MYO9A: variants seen among roughly 807,000 people sequenced by gnomAD.
MYO9A encodes the protein unconventional myosin-IXa.
Under a neutral mutation model 293.3 loss-of-function variants are expected in MYO9A, and 103 were observed. The observed-to-expected ratio is 0.35, with a 90% CI of 0.30 to 0.41. The LOEUF (loss-of-function observed/expected upper bound fraction) is 0.41. Among genes scored for constraint, MYO9A ranks in the 10% least tolerant of loss-of-function variants. MYO9A has a pLI of 1.00. For missense variants in MYO9A, 2,685 were observed against 3,033.0 expected (o/e 0.89, Z 2.69); for synonymous variants, 1,001 against 1,035.7 (o/e 0.97, Z 0.64).
At chr15:71,992,269 A>G (rs2076563782) in intron 10 of MYO9A, among the ~76,000 whole-genome samples, 1 of 152,212 alleles carries the variant, frequency 6.6e-6, no homozygotes, top group Admixed American at 6.5e-5. Flanking sequence ...CACTTCTAGG[A>G]ATAATCTAAC....
At position 71,898,676 on chromosome 15, in the gene MYO9A, C is replaced by T; in HGVS notation, c.3827G>A (p.Arg1276Lys). The change falls in exon 25 of 42, where the codon AGA becomes AAA. Residue 1276 changes from arginine (R) to lysine (K), a missense_variant. This residue lies in a region of MYO9A where 1,434 missense variants were observed against 1,497.7 expected (regional missense o/e 0.96). Coordinates refer to ENST00000356056, the MANE Select transcript of MYO9A (RefSeq NM_006901.4). ...TATAGCTTGCTCTAGTTCTCTCATT[C>T]TCCTACTTTCTCTCTTAGCCCGGCC... is the stretch of plus-strand genomic sequence containing the variant. ...KVGRAKRESRRMRELEQAIFS... is the reference protein window; with the variant it reads ...KVGRAKRESRKMRELEQAIFS... 1.2e-6 allele frequency: 2 copies of T among 1,614,026 alleles called. No homozygotes were observed. Among genetic ancestry groups the T allele is most frequent in the South Asian group, 1.1e-5 (1 of 91,070 alleles).
At chr15:71,970,690 C>T (rs921646351) in intron 12 of MYO9A, among the ~76,000 whole-genome samples, 10 of 152,174 alleles carry the variant, frequency 6.6e-5, no homozygotes, top group African/African-American at 1.9e-4. Context: ...TACAACAATA[C>T]GCTGACAGAT....
intron 1 of MYO9A, among the ~76,000 whole-genome samples, chr15:72,086,313 GTGTGCACCCTC>G (rs2079725764): frequency 6.6e-6 from 1 of 152,094 alleles, no homozygotes; most frequent in African/African-American, 2.4e-5. Context: ...GGGCAAATCT[GTGTGCACCCTC>G]TGTGCACATT....
chr15:71,925,625 T>G (rs1255446642), intron 18 of MYO9A, among the ~76,000 whole-genome samples: 1 of 152,112 alleles, frequency 6.6e-6, no homozygotes, highest in Non-Finnish European at 1.5e-5. Context: ...ATGGACTATT[T>G]TAAACAGATA....
chr15:72,019,801 G>T (rs1485643133), intron 5 of MYO9A, among the ~76,000 whole-genome samples: 3 of 152,120 alleles, frequency 2.0e-5, no homozygotes, highest in African/African-American at 7.2e-5. Flanking sequence ...CCAGGCTGGA[G>T]TGCGGTGGCA....
At position 71,880,531 on chromosome 15, in the gene MYO9A, G is replaced by C; in HGVS notation, c.5426C>G (p.Pro1809Arg). 3.7e-6 allele frequency: 6 copies of C among 1,614,128 alleles called. No individual in the cohort carries two copies. The highest frequency in any genetic ancestry group is 5.1e-6 in the Non-Finnish European group (6 of 1,179,956). The change falls in exon 29 of 42, where the codon CCT (proline) becomes CGT (arginine). Residue 1809 changes from proline (P) to arginine (R), a missense_variant. This residue lies in a region of MYO9A where 1,434 missense variants were observed against 1,497.7 expected (regional missense o/e 0.96). Coordinates refer to ENST00000356056, the MANE Select transcript of MYO9A (RefSeq NM_006901.4). ...ACTGCCGGGCAGTTCTGGGCTCAAA[G>C]GAGGTGTTGGGTGATATGCAGCTAA... ...DELAAYHPTP[P>R]LSPELPGSCR...
At position 71,994,484 on chromosome 15, in the gene MYO9A, T is replaced by C. The variant is rs1041469109; in HGVS notation, c.1572A>G (p.Leu524=). ...ATATCATTACCTTGGTATTATGCTCTAAATCTTTACTATTCAGAAGTGCAT... is the reference window on the plus strand; with the variant it reads ...ATATCATTACCTTGGTATTATGCTCCAAATCTTTACTATTCAGAAGTGCAT... The part of the protein sequence containing the change: ...INHALLNSKD[L]EHNTKTLSIG... The change falls in exon 10 of 42, where the codon TTA becomes TTG. Residue 524 remains leucine, a synonymous_variant. Coordinates refer to ENST00000356056, the MANE Select transcript of MYO9A (RefSeq NM_006901.4). The C allele has an allele frequency of 6.3e-7, 1 of 1,592,324 alleles. No individual in the cohort carries two copies.
At chr15:71,941,474 C>G (rs889370289) in intron 15 of MYO9A, among the ~76,000 whole-genome samples, 1 of 152,124 alleles carries the variant, frequency 6.6e-6, no homozygotes, top group Non-Finnish European at 1.5e-5. Flanking sequence ...CATCAGATCC[C>G]AAGATTGCCC....
Position 71,900,019 on chromosome 15 carries a change from C to T in MYO9A, c.3151-13G>A, listed in dbSNP as rs762457507. On this transcript the variant is annotated splice_polypyrimidine_tract_variant and intron_variant, in intron 23 of 41. Transcript: ENST00000356056. Reference sequence around the variant, plus strand: ...TCCTCCAGAATCTCTATGGGGAAGACAAAATAACAGAAACTGGTTGTCATA... The same window carrying T: ...TCCTCCAGAATCTCTATGGGGAAGATAAAATAACAGAAACTGGTTGTCATA... 2 of 1,585,060 alleles carry T rather than the reference C, an allele frequency of 1.3e-6. No homozygotes were observed. The highest frequency in any genetic ancestry group is 2.3e-5 in the South Asian group (2 of 88,010).
Position 72,118,039 on chromosome 15 carries a change from C to T in MYO9A, c.-431G>A, listed in dbSNP as rs531452702. 363 of 396,584 alleles carry T rather than the reference C, an allele frequency of 9.2e-4. 2 individuals are homozygous for T. The highest frequency in any genetic ancestry group is 8.5e-5 in the Non-Finnish European group (19 of 224,660). 24.6% of individuals were successfully genotyped at this position (396,584 alleles called of 1,614,324 possible). On this transcript the variant is annotated 5_prime_UTR_variant, in exon 1 of 42. Transcript: ENST00000356056. Reference sequence around the variant, plus strand: ...GGCTGTCCTGTACTCTCTCAACAGACACAGCCAACCGCCGCCGCGTCCCTT... The same window carrying T: ...GGCTGTCCTGTACTCTCTCAACAGATACAGCCAACCGCCGCCGCGTCCCTT...
intron 1 of MYO9A, among the ~76,000 whole-genome samples, chr15:72,047,368 T>A (rs540143324): frequency 6.6e-6 from 1 of 152,334 alleles, no homozygotes; most frequent in South Asian, 2.1e-4. Flanking sequence ...TACCATTATA[T>A]CTTTTTACCT....
In MYO9A at chr15:71,838,611, A is replaced by G. The variant is rs376707662; in HGVS notation, c.6838-8300T>C. Among the ~76,000 whole-genome samples, 11 of 152,322 alleles carry G rather than the reference A, an allele frequency of 7.2e-5. No individual in the cohort carries two copies. The East Asian group carries it at 9.6e-4, about 13-fold the overall frequency. ...CAAATACAATTATCTTGAACTGTTG[A>G]TAAGTAGTAGGTCTCAAGTCCTACT... On this transcript the variant is annotated intron_variant, in intron 39 of 41. Coordinates refer to ENST00000356056, the MANE Select transcript of MYO9A (RefSeq NM_006901.4).
At chr15:71,931,318 G>T (rs530509739) in intron 18 of MYO9A, among the ~76,000 whole-genome samples, 3 of 152,266 alleles carry the variant, frequency 2.0e-5, no homozygotes, top group East Asian at 3.9e-4. Flanking sequence ...GCCATCATTT[G>T]TCTGAGAAAG....
At chr15:72,041,376 ATCAGTTGATAATCATG>A in intron 2 of MYO9A, 1 of 490,364 alleles carries the variant, frequency 2.0e-6, no homozygotes, top group Non-Finnish European at 4.0e-6. Context: ...TTGAATGCAT[ATCAGTTGATAATCATG>A]TCTCTGAATA....
intron 2 of MYO9A, chr15:72,041,208 G>A (rs1234356159): frequency 3.6e-6 from 5 of 1,379,744 alleles, no homozygotes; most frequent in Non-Finnish European, 5.1e-6. Flanking sequence ...GGGTTTTATG[G>A]CTACAGCATA....
At chr15:71,960,888 A>G (rs1386287656) in intron 13 of MYO9A, among the ~76,000 whole-genome samples, 5 of 152,218 alleles carry the variant, frequency 3.3e-5, no homozygotes, top group African/African-American at 4.8e-5. Context: ...ATAGATGATG[A>G]TAAGCTGGAC....
At chr15:71,880,196 C>G (rs564475206) in intron 29 of MYO9A, 139 bp downstream of exon 29, 1 of 765,870 alleles carries the variant, frequency 1.3e-6, no homozygotes, top group East Asian at 2.7e-5. Flanking sequence ...TCCTATTATT[C>G]ACACCTTTCT....
chr15:72,059,457 A>T (rs1399270194), intron 1 of MYO9A, among the ~76,000 whole-genome samples: 1 of 152,220 alleles, frequency 6.6e-6, no homozygotes, highest in Admixed American at 6.5e-5. Context: ...TGCACAATTC[A>T]GTTTCAGCTC....
At chr15:71,943,839 A>G (rs921120907) in intron 15 of MYO9A, among the ~76,000 whole-genome samples, 2 of 152,172 alleles carry the variant, frequency 1.3e-5, no homozygotes, top group Non-Finnish European at 2.9e-5. Context: ...ATTCATACGT[A>G]AAAGTCTTTT....
Sources: gnomAD v4.1 joint callset for allele counts (sites outside exome capture counted in the v4.1 genomes callset) on GRCh38, gnomAD v4.1.1 for gene constraint, gnomAD v4.1.1 regional missense constraint, MANE v1.5 for transcripts, NCBI Gene and HGNC (gene_info 2026-07-23, HGNC 2026-07-21) for gene names.